The following NYAP2 variants were observed in gnomAD, a reference collection of about 807,000 sequenced individuals.
NYAP2 encodes the protein neuronal tyrosine-phosphorylated phosphoinositide-3-kinase adapter 2.
Under a neutral mutation model 50.4 loss-of-function variants are expected in NYAP2, and 23 were observed. The ratio of observed to expected loss-of-function variants is 0.46; its 90% CI spans 0.33 to 0.65. NYAP2 has a LOEUF of 0.65. NYAP2 is among the 30% of genes least tolerant of loss of function. NYAP2 has a pLI of 0.02. For synonymous variants in NYAP2, 394 were observed against 365.2 expected (o/e 1.08, Z -0.90); for missense variants, 885 against 861.0 (o/e 1.03, Z -0.35).
At chr2:225,615,157 GGAATGCTCATAAACA>G (rs1692966753) in intron 5 of NYAP2, among the ~76,000 whole-genome samples, 1 of 152,138 alleles carries the variant, frequency 6.6e-6, no homozygotes, top group Non-Finnish European at 1.5e-5. Context: ...CTAGCTGCAA[GGAATGCTCATAAACA>G]TGGCTTAACT....
intron 2 of NYAP2, among the ~76,000 whole-genome samples, chr2:225,406,151 T>A (rs1429362940): frequency 1.3e-5 from 2 of 151,918 alleles, no homozygotes; most frequent in Non-Finnish European, 2.9e-5. Context: ...AAACAGTAAT[T>A]AACTTGTATG....
chr2:225,517,220 AT>A (rs1478640461), intron 4 of NYAP2, among the ~76,000 whole-genome samples: 1 of 152,184 alleles, frequency 6.6e-6, no homozygotes, highest in Non-Finnish European at 1.5e-5. Context: ...TAAACTGGCA[AT>A]CAGTATACTA....
chr2:225,531,363 C>A (rs1297059592), intron 4 of NYAP2, among the ~76,000 whole-genome samples: 1 of 152,212 alleles, frequency 6.6e-6, no homozygotes, highest in East Asian at 1.9e-4. Context: ...GGGTCAACTA[C>A]CTTCTCTGTA....
intron 6 of NYAP2, among the ~76,000 whole-genome samples, chr2:225,632,515 G>A (rs951098637): frequency 2.6e-5 from 4 of 152,196 alleles, no homozygotes; most frequent in Non-Finnish European, 4.4e-5. Flanking sequence ...GAGGAATGAA[G>A]GAATTGCTGA....
At chr2:225,522,086 T>C (rs953007510) in intron 4 of NYAP2, among the ~76,000 whole-genome samples, 10 of 152,188 alleles carry the variant, frequency 6.6e-5, no homozygotes, top group East Asian at 1.9e-4. Context: ...TATTCTCTGA[T>C]GGTAGTTTGT....
exon 7 of NYAP2, chr2:225,651,720 A>G (rs1318597973): frequency 2.6e-6 from 2 of 773,636 alleles, no homozygotes; most frequent in Non-Finnish European, 4.1e-6. Context: ...GAAAAAGAAT[A>G]TCTTTCTTCC....
At chr2:225,634,374 T>C (rs1266088691) in intron 6 of NYAP2, among the ~76,000 whole-genome samples, 1 of 152,124 alleles carries the variant, frequency 6.6e-6, no homozygotes, top group African/African-American at 2.4e-5. Context: ...CAGTATGAGC[T>C]AAAGACTAGG....
At chr2:225,518,851 G>C (rs1419793159) in intron 4 of NYAP2, among the ~76,000 whole-genome samples, 3 of 150,974 alleles carry the variant, frequency 2.0e-5, no homozygotes, top group African/African-American at 7.3e-5. Flanking sequence ...AAACCCCATC[G>C]GTCTAAAAAT....
the NYAP2 span, among the ~76,000 whole-genome samples, chr2:225,697,428 C>G: frequency 5.9e-5 from 9 of 151,870 alleles, no homozygotes; most frequent in African/African-American, 2.2e-4. Flanking sequence ...AACTTCTTAG[C>G]AGAAGAAATA....
chr2:225,656,064 C>T (rs1052613431), downstream of NYAP2, among the ~76,000 whole-genome samples: 3 of 152,166 alleles, frequency 2.0e-5, no homozygotes, highest in Admixed American at 6.5e-5. Context: ...GAAACCTCAA[C>T]TTCTTCGGAG....
intron 5 of NYAP2, among the ~76,000 whole-genome samples, chr2:225,587,137 G>A (rs1230033088): frequency 5.9e-5 from 9 of 152,118 alleles, no homozygotes; most frequent in Non-Finnish European, 1.3e-4. Flanking sequence ...CTCCCACCTG[G>A]CCCCTCCCTT....
At chr2:225,578,946 T>G (rs890161451) in intron 4 of NYAP2, among the ~76,000 whole-genome samples, 1 of 152,166 alleles carries the variant, frequency 6.6e-6, no homozygotes, top group Non-Finnish European at 1.5e-5. Flanking sequence ...GATAGTAGCA[T>G]GGTCGGTTTC....
intron 4 of NYAP2, among the ~76,000 whole-genome samples, chr2:225,553,767 T>C (rs1484695301): frequency 6.6e-6 from 1 of 152,194 alleles, no homozygotes; most frequent in Non-Finnish European, 1.5e-5. Flanking sequence ...TCTGGGTGCA[T>C]GGCTCACACC....
rs575349416 is a variant in NYAP2 at position 225,531,870 on chromosome 2, G to T, written c.523+18198G>T. Among the ~76,000 whole-genome samples, 133 of 152,280 alleles carry T rather than the reference G, an allele frequency of 8.7e-4. 1 individual carries two copies. The highest frequency in any genetic ancestry group is 6.8e-3 in the South Asian group (33 of 4,820). On this transcript the variant is annotated intron_variant, in intron 4 of 6. Coordinates refer to ENST00000636099, the Ensembl canonical transcript of NYAP2. ...AACCCTGCCTTTCTTCAGTTGTTTT[G>T]TATTTATGAATCTTGATTGGTACAC...
chr2:225,661,312 T>C, the NYAP2 span, among the ~76,000 whole-genome samples: 27 of 152,240 alleles, frequency 1.8e-4, no homozygotes, highest in South Asian at 8.3e-4. Context: ...AGTTTTTTAC[T>C]CAAGAAACAC....
intron 5 of NYAP2, among the ~76,000 whole-genome samples, chr2:225,607,721 C>T (rs1198698826): frequency 6.6e-6 from 1 of 151,758 alleles, no homozygotes; most frequent in African/African-American, 2.4e-5. Flanking sequence ...CCATGAAGAA[C>T]TGAATTTAGA....
chr2:225,648,506 A>T (rs1276176062), intron 6 of NYAP2, among the ~76,000 whole-genome samples: 1 of 152,066 alleles, frequency 6.6e-6, no homozygotes, highest in East Asian at 1.9e-4. Context: ...GTGAGCAGAG[A>T]GATTATGGGG....
chr2:225,483,575 C>T (rs746920817), intron 3 of NYAP2, among the ~76,000 whole-genome samples: 18 of 151,970 alleles, frequency 1.2e-4, no homozygotes, highest in Admixed American at 7.9e-4. Context: ...AAAAGTGAGA[C>T]GTGTGTGCAC....
At chr2:225,684,013 T>C in the NYAP2 span, among the ~76,000 whole-genome samples, 1 of 152,170 alleles carries the variant, frequency 6.6e-6, no homozygotes, top group Non-Finnish European at 1.5e-5. Context: ...ACAAGTGTTA[T>C]TTTGATTACT....
Sources: gnomAD v4.1 joint callset for allele counts (sites outside exome capture counted in the v4.1 genomes callset) on GRCh38, gnomAD v4.1.1 for gene constraint, MANE v1.5 for transcripts, NCBI Gene and HGNC (gene_info 2026-07-23, HGNC 2026-07-21) for gene names.